STK38: variants seen among roughly 807,000 people sequenced by gnomAD.
STK38 encodes serine/threonine-protein kinase 38.
Under a neutral mutation model 59.0 loss-of-function variants are expected in STK38, and 26 were observed. The ratio of observed to expected loss-of-function variants is 0.44; its 90% CI spans 0.32 to 0.61. STK38 has a LOEUF of 0.61. STK38 is among the 20% of genes least tolerant of loss of function. The pLI is 0.04. For missense variants in STK38, 433 were observed against 566.0 expected (o/e 0.76, Z 2.38); for synonymous variants, 175 against 176.6 (o/e 0.99, Z 0.07).
intron 7 of STK38, among the ~76,000 whole-genome samples, chr6:36,508,310 AT>A (rs1228134038): frequency 6.6e-6 from 1 of 152,028 alleles, no homozygotes; most frequent in Non-Finnish European, 1.5e-5. Flanking sequence ...CATCCCCCTA[AT>A]ACTGGATGTG....
intron 8 of STK38, 95 bp from the exon 9 acceptor site, chr6:36,506,739 G>T: frequency 1.8e-6 from 2 of 1,140,860 alleles, no homozygotes; most frequent in Non-Finnish European, 2.5e-6. Context: ...AGACCCTAAA[G>T]TCTTGCTTTT....
At chr6:36,514,154 C>CAAAA (rs762095229) in intron 7 of STK38, among the ~76,000 whole-genome samples, 1 of 78,926 alleles carries the variant, frequency 1.3e-5, no homozygotes, top group Non-Finnish European at 2.7e-5. Context: ...GACTCCGTCT[C>CAAAA]AAAAAAAAAA....
At chr6:36,500,115 C>A in intron 9 of STK38, 125 bp from the exon 10 acceptor site, 1 of 705,122 alleles carries the variant, frequency 1.4e-6, no homozygotes, top group Non-Finnish European at 2.5e-6. Flanking sequence ...CAGGACTGCC[C>A]AGTAGCTTAA....
chr6:36,507,683 T>A, intron 7 of STK38, 81 bp from the exon 8 acceptor site: 1 of 1,016,762 alleles, frequency 9.8e-7, no homozygotes, highest in East Asian at 2.4e-5. Context: ...CCTTCCAGCA[T>A]CCATTATAGC....
At chr6:36,514,267 C>T (rs1456193157) in intron 7 of STK38, among the ~76,000 whole-genome samples, 3 of 148,216 alleles carry the variant, frequency 2.0e-5, no homozygotes, top group Non-Finnish European at 4.5e-5. Context: ...TGAGCTATAA[C>T]TGTGCCACTG....
intron 12 of STK38, among the ~76,000 whole-genome samples, chr6:36,497,176 G>A (rs939015489): frequency 3.9e-5 from 6 of 152,146 alleles, no homozygotes; most frequent in Non-Finnish European, 8.8e-5. Flanking sequence ...CAAGTAGGAT[G>A]GCTAGAAAAG....
At chr6:36,539,993 T>G (rs1777892938) in intron 2 of STK38, 79 bp downstream of exon 2, 1 of 1,578,792 alleles carries the variant, frequency 6.3e-7, no homozygotes. Flanking sequence ...CTTGTCTCCT[T>G]TCAGCATTAT....
chr6:36,509,039 G>A (rs1291886885), intron 7 of STK38, among the ~76,000 whole-genome samples: 5 of 152,222 alleles, frequency 3.3e-5, no homozygotes, highest in Admixed American at 2.0e-4. Flanking sequence ...TGGAAGGGCC[G>A]CCGCTCTTCT....
chr6:36,510,187 G>A (rs533835681), intron 7 of STK38, among the ~76,000 whole-genome samples: 6 of 152,306 alleles, frequency 3.9e-5, no homozygotes, highest in East Asian at 1.9e-4. Context: ...CAGGCTGTTG[G>A]TGCAAAGGGG....
At chr6:36,517,971 A>G (rs945278158) in intron 5 of STK38, 131 bp from the exon 6 acceptor site, 10 of 1,249,432 alleles carry the variant, frequency 8.0e-6, no homozygotes, top group African/African-American at 1.5e-5. Flanking sequence ...TAAAAGATCC[A>G]ATTTCTGCTT....
At position 36,511,063 on chromosome 6, in the gene STK38, G is replaced by C. The variant is rs560473615; in HGVS notation, c.670-3461C>G. ...ATCCTGATGCTCAGAGATCTACCTTGCTCAGGGTTACACAATCAGAAGTGG... is the reference window on the plus strand; with the variant it reads ...ATCCTGATGCTCAGAGATCTACCTTCCTCAGGGTTACACAATCAGAAGTGG... On this transcript the variant is annotated intron_variant, in intron 7 of 13. Coordinates refer to ENST00000229812, the MANE Select transcript of STK38 (RefSeq NM_007271.4). Among the ~76,000 whole-genome samples the C allele has an allele frequency of 5.3e-5, 8 of 152,308 alleles. No homozygotes were observed. In the South Asian group the frequency reaches 1.5e-3, roughly 28 times the overall value.
chr6:36,499,335 C>G (rs62402196), intron 10 of STK38, among the ~76,000 whole-genome samples: 1 of 152,158 alleles, frequency 6.6e-6, no homozygotes, highest in African/African-American at 2.4e-5. Flanking sequence ...CCACAGGCAT[C>G]GTTCCCATGT....
chr6:36,539,726 A>G (rs1987012450), intron 2 of STK38, among the ~76,000 whole-genome samples: 1 of 147,578 alleles, frequency 6.8e-6, no homozygotes, highest in Non-Finnish European at 1.5e-5. Context: ...TTAACAATCA[A>G]CTCCTTGGAT....
At chr6:36,513,001 T>A (rs917252858) in intron 7 of STK38, among the ~76,000 whole-genome samples, 2 of 151,824 alleles carry the variant, frequency 1.3e-5, no homozygotes, top group East Asian at 3.9e-4. Context: ...AATGTTCAAA[T>A]TTTCTACCAT....
chr6:36,530,163 C>T (rs2127485282), intron 2 of STK38, among the ~76,000 whole-genome samples: 1 of 151,962 alleles, frequency 6.6e-6, no homozygotes, highest in South Asian at 2.1e-4. Flanking sequence ...ATCTCTGGAA[C>T]CTGGGAGGCA....
In STK38 at chr6:36,497,762, G is replaced by A; in HGVS notation, c.1172+18C>T. 1 of 1,567,476 alleles carries A rather than the reference G, an allele frequency of 6.4e-7. No individual in the cohort carries two copies. Among genetic ancestry groups the A allele is most frequent in the South Asian group, 1.1e-5 (1 of 87,130 alleles). On this transcript the variant is annotated intron_variant, in intron 12 of 13. Coordinates refer to ENST00000229812, the MANE Select transcript of STK38 (RefSeq NM_007271.4). ...GAGACTTTCTGAAATAATTCTGAAAGTGTTTATATGGATATACCTGATATG... is the reference window on the plus strand; with the variant it reads ...GAGACTTTCTGAAATAATTCTGAAAATGTTTATATGGATATACCTGATATG...
intron 1 of STK38, 120 bp from the exon 2 acceptor site, chr6:36,540,327 A>G (rs1373884544): frequency 3.2e-6 from 3 of 930,302 alleles, no homozygotes; most frequent in Non-Finnish European, 4.9e-6. Flanking sequence ...CAAACAGGTA[A>G]TATGTAACAA....
chr6:36,508,972 A>G (rs1777035785), intron 7 of STK38, among the ~76,000 whole-genome samples: 1 of 152,260 alleles, frequency 6.6e-6, no homozygotes, highest in South Asian at 2.1e-4. Flanking sequence ...CAGAAACCGC[A>G]GAGCCCTAAA....
At chr6:36,498,582 CTTTTTTCTTTTTTT>C in intron 10 of STK38, 96 bp from the exon 11 acceptor site, 1 of 1,038,978 alleles carries the variant, frequency 9.6e-7, no homozygotes, top group Non-Finnish European at 1.3e-6. Context: ...CTTTTTTTTT[CTTTTTTCTTTTTTT>C]TTTTTTTTTG....
Sources: gnomAD v4.1 joint callset for allele counts (sites outside exome capture counted in the v4.1 genomes callset) on GRCh38, gnomAD v4.1.1 for gene constraint, MANE v1.5 for transcripts, NCBI Gene and HGNC (gene_info 2026-07-23, HGNC 2026-07-21) for gene names.